The following ARID4B variants were observed in gnomAD, a reference collection of about 807,000 sequenced individuals.
ARID4B encodes AT-rich interaction domain 4B, also known as AT-rich interactive domain-containing protein 4B.
A neutral mutation model predicts 147.5 loss-of-function variants in ARID4B; 26 were observed. The observed-to-expected ratio is 0.18, with a 90% CI of 0.13 to 0.24. ARID4B has a LOEUF of 0.24. Among genes scored for constraint, ARID4B ranks in the 10% least tolerant of loss-of-function variants. The probability of loss-of-function intolerance (pLI) is 1.00; values close to 1 mark genes in which losing one functional copy is unlikely to be tolerated. For synonymous variants in ARID4B, 512 were observed against 507.9 expected (o/e 1.01, Z -0.11); for missense variants, 1,179 against 1,511.5 (o/e 0.78, Z 3.65).
intron 1 of ARID4B, chr1:235,327,178 G>A: frequency 4.2e-6 from 2 of 476,882 alleles, no homozygotes; most frequent in South Asian, 2.5e-5. Context: ...GCAGCTTCCC[G>A]TCCCCATTGT....
chr1:235,230,788 C>T (rs1301798535), intron 10 of ARID4B, among the ~76,000 whole-genome samples: 3 of 151,298 alleles, frequency 2.0e-5, no homozygotes, highest in Non-Finnish European at 4.4e-5. Flanking sequence ...CCGGGCATGG[C>T]GGCGTGTGCC....
At chr1:235,287,508 TGAGA>T (rs1164840352) in intron 2 of ARID4B, among the ~76,000 whole-genome samples, 1 of 152,216 alleles carries the variant, frequency 6.6e-6, no homozygotes, top group Non-Finnish European at 1.5e-5. Flanking sequence ...TGATGGTATA[TGAGA>T]AAGAATCTAC....
intron 2 of ARID4B, among the ~76,000 whole-genome samples, chr1:235,304,998 A>G (rs1179107743): frequency 6.6e-6 from 1 of 152,250 alleles, no homozygotes. Flanking sequence ...TCTCCAAAAC[A>G]TGTGAAAATG....
rs1667335646 is a variant in ARID4B, at chr1:235,219,943, G to C, written c.1433C>G (p.Ser478Cys). The C allele has an allele frequency of 6.4e-7, 1 of 1,552,622 alleles. No homozygotes were observed. The highest frequency in any genetic ancestry group is 8.7e-7 in the Non-Finnish European group (1 of 1,152,718). The change falls in exon 16 of 24, where the codon TCT becomes TGT. Residue 478 changes from serine (S) to cysteine (C), a missense_variant. Around this residue, in one of 10 missense-constraint regions of ARID4B, gnomAD observed 204 missense variants for 210.9 expected, o/e 0.97. Coordinates refer to ENST00000264183, the MANE Select transcript of ARID4B (RefSeq NM_016374.6). Reference protein sequence around the residue: ...SLGSKKNLLESIPTHSDQEKE... With the variant: ...SLGSKKNLLECIPTHSDQEKE... The stretch of plus-strand genomic sequence containing the variant: ...TTCCTGATCAGAATGTGTAGGTATA[G>C]ATTCTAATAAATTCTTTTTACTTCC...
In ARID4B at chr1:235,229,120, T is replaced by A. The variant is rs1443835576; in HGVS notation, c.897+111A>T. 4.1e-6 allele frequency: 5 copies of A among 1,232,960 alleles called. No individual in the cohort carries two copies. The African/African-American group carries it at 7.6e-5, about 19-fold the overall frequency. 76.4% of individuals were successfully genotyped at this position (1,232,960 alleles called of 1,614,324 possible). On this transcript the variant is annotated intron_variant, in intron 11 of 23. Coordinates refer to ENST00000264183, the MANE Select transcript of ARID4B (RefSeq NM_016374.6). ...CTCAAATACAAGATTATGAAATATT[T>A]CTCATACTAAAAATACTTATATGAG...
intron 17 of ARID4B, among the ~76,000 whole-genome samples, chr1:235,203,175 C>T (rs1258666494): frequency 1.3e-5 from 2 of 152,204 alleles, no homozygotes; most frequent in African/African-American, 2.4e-5. Flanking sequence ...AGCATACTTG[C>T]TCTCACCACA....
At chr1:235,206,912 C>G (rs1666342548) in intron 17 of ARID4B, among the ~76,000 whole-genome samples, 1 of 152,136 alleles carries the variant, frequency 6.6e-6, no homozygotes. Context: ...AAGTCAGGCT[C>G]CAGAAAAGAT....
At chr1:235,225,023 T>G (rs186448625) in intron 11 of ARID4B, among the ~76,000 whole-genome samples, 198 of 152,104 alleles carry the variant, frequency 1.3e-3, no homozygotes, top group African/African-American at 4.0e-3. Flanking sequence ...AATTCCCATA[T>G]GAGAAAAGGG....
rs556629567 is a variant in ARID4B at position 235,172,997 on chromosome 1, T to G, written c.3665-233A>C. Among the ~76,000 whole-genome samples the G allele has an allele frequency of 7.8e-4, 119 of 152,274 alleles. 2 individuals carry two copies. Among genetic ancestry groups the G allele is most frequent in the Admixed American group, 3.1e-3 (47 of 15,290 alleles). On this transcript the variant is annotated intron_variant, in intron 22 of 23. Coordinates refer to ENST00000264183, the MANE Select transcript of ARID4B (RefSeq NM_016374.6). ...ATGTACAGCATTAAACACCTTAAGA[T>G]CTACATATATCCACATCCATATACA... is the stretch of plus-strand genomic sequence containing the variant.
rs892927826 is a variant in ARID4B, at chr1:235,280,579, C to A, written c.7-19827G>T. Among the ~76,000 whole-genome samples, 5 of 152,372 alleles carry A rather than the reference C, an allele frequency of 3.3e-5. No homozygotes were observed. The South Asian group carries it at 1.0e-3, about 32-fold the overall frequency. On this transcript the variant is annotated intron_variant, in intron 2 of 23. Coordinates refer to ENST00000264183, the MANE Select transcript of ARID4B (RefSeq NM_016374.6). ...CGGCTCCTGCCAGAACCCAAGATGG[C>A]AGCTTCAGGTGGGCAGGTGGCCAGG...
At chr1:235,217,332 AAG>A (rs1667157485) in intron 16 of ARID4B, among the ~76,000 whole-genome samples, 1 of 152,180 alleles carries the variant, frequency 6.6e-6, no homozygotes, top group Non-Finnish European at 1.5e-5. Flanking sequence ...AATGCCAAGA[AAG>A]AGAGCCTCTG....
At chr1:235,326,858 C>A in intron 2 of ARID4B, 56 bp downstream of exon 2, 1 of 1,608,616 alleles carries the variant, frequency 6.2e-7, no homozygotes, top group South Asian at 1.1e-5. Flanking sequence ...TCGTCGAAAC[C>A]TCCTACTTCC....
intron 2 of ARID4B, among the ~76,000 whole-genome samples, chr1:235,311,786 CAAAA>C (rs747614489): frequency 4.0e-5 from 6 of 151,636 alleles, no homozygotes; most frequent in Admixed American, 6.6e-5. Context: ...AAACAAAAAA[CAAAA>C]CAAACAAACA....
chr1:235,250,997 A>T (rs932253000), intron 6 of ARID4B, among the ~76,000 whole-genome samples: 1 of 152,208 alleles, frequency 6.6e-6, no homozygotes, highest in African/African-American at 2.4e-5. Flanking sequence ...CGGAAATGAA[A>T]TTAAAATAAT....
rs1287376381 is a variant in ARID4B, at chr1:235,215,567, GTGTGTGTGTGTGTA to G, written c.1584-1555_1584-1542del. Among the ~76,000 whole-genome samples, 5 of 147,586 alleles carry G rather than the reference GTGTGTGTGTGTGTA, an allele frequency of 3.4e-5. No individual in the cohort carries two copies. The East Asian group carries it at 9.9e-4, about 29-fold the overall frequency. On this transcript the variant is annotated intron_variant, in intron 16 of 23. Transcript: ENST00000264183. The stretch of plus-strand genomic sequence containing the variant: ...TATATATGTGTGTGTGTGTGTGTGT[GTGTGTGTGTGTGTA>G]TATATTTTTCCCCCCCTTGGAGACA...
chr1:235,255,867 C>T, intron 4 of ARID4B, 117 bp from the exon 5 acceptor site: 1 of 661,148 alleles, frequency 1.5e-6, no homozygotes, highest in Non-Finnish European at 2.5e-6. Context: ...TGACTATTGA[C>T]TTCATTTAAA....
chr1:235,296,843 AAGG>A (rs1672770415), intron 2 of ARID4B, among the ~76,000 whole-genome samples: 2 of 48,958 alleles, frequency 4.1e-5, no homozygotes, highest in South Asian at 1.5e-3. Flanking sequence ...GGAAGGGAGG[AAGG>A]AGGGAGGGAA....
intron 2 of ARID4B, among the ~76,000 whole-genome samples, chr1:235,279,045 G>A (rs539782881): frequency 2.9e-4 from 44 of 152,104 alleles, no homozygotes; most frequent in Non-Finnish European, 5.0e-4. Context: ...CCAAAGTGCT[G>A]GGATTACAGC....
intron 19 of ARID4B, among the ~76,000 whole-genome samples, chr1:235,192,991 G>A (rs1208722873): frequency 6.6e-6 from 1 of 152,116 alleles, no homozygotes; most frequent in African/African-American, 2.4e-5. Context: ...TACTCAGGAA[G>A]CTGAGACAGG....
Sources: gnomAD v4.1 joint callset for allele counts (sites outside exome capture counted in the v4.1 genomes callset) on GRCh38, gnomAD v4.1.1 for gene constraint, gnomAD v4.1.1 regional missense constraint, MANE v1.5 for transcripts, NCBI Gene and HGNC (gene_info 2026-07-23, HGNC 2026-07-21) for gene names.